DISC1: variants seen among roughly 807,000 people sequenced by gnomAD.
DISC1 encodes the protein DISC1 scaffold protein.
A neutral mutation model predicts 84.5 loss-of-function variants in DISC1; 57 were observed. The observed-to-expected ratio is 0.67, with a 90% CI of 0.55 to 0.84. The LOEUF (loss-of-function observed/expected upper bound fraction) is 0.84, where lower values mean the gene tolerates loss of function less well. Ranked by LOEUF, DISC1 falls within the 40% of genes least tolerant of loss-of-function variation. DISC1 has a pLI of 0.00. For synonymous variants in DISC1, 411 were observed against 415.2 expected (o/e 0.99, Z 0.12); for missense variants, 1,000 against 1,057.8 (o/e 0.95, Z 0.76).
rs554620517 is a variant in DISC1, at chr1:231,820,929, C to T, written c.1981+2412C>T. On this transcript the variant is annotated intron_variant, in intron 9 of 12. Coordinates refer to ENST00000439617, the MANE Select transcript of DISC1 (RefSeq NM_018662.3). Reference sequence around the variant, plus strand: ...ATTTGCAGTCTTAGGGAACAATTAGCAGTGTCTCTCGTACAGAGACCTTTT... The same window carrying T: ...ATTTGCAGTCTTAGGGAACAATTAGTAGTGTCTCTCGTACAGAGACCTTTT... Among the ~76,000 whole-genome samples the T allele has an allele frequency of 2.0e-5, 3 of 152,306 alleles. No homozygotes were observed. In the South Asian group the frequency reaches 6.2e-4, roughly 32 times the overall value.
intron 3 of DISC1, among the ~76,000 whole-genome samples, chr1:231,749,593 GT>G (rs570286367): frequency 1.0e-3 from 154 of 152,136 alleles, no homozygotes; most frequent in Middle Eastern, 3.4e-3. Context: ...CAAAATTATA[GT>G]TTTTTTCCCC....
intron 6 of DISC1, among the ~76,000 whole-genome samples, chr1:231,775,647 T>G (rs1396733290): frequency 6.6e-6 from 1 of 152,058 alleles, no homozygotes; most frequent in Non-Finnish European, 1.5e-5. Flanking sequence ...AATGAGGAGC[T>G]CCACAGTATG....
rs956447142 is a variant in DISC1, at chr1:231,998,039, T to G, written c.2043-10746T>G. On this transcript the variant is annotated intron_variant, in intron 10 of 12. Transcript: ENST00000439617. ...ATTCCCCAAAGATAAGGAAGGATGT[T>G]GGAAACATGACATAAAACATGAAGC... Among the ~76,000 whole-genome samples the G allele has an allele frequency of 3.7e-4, 56 of 152,322 alleles. 1 individual carries two copies. The highest frequency in any genetic ancestry group is 1.3e-3 in the African/African-American group (54 of 41,576).
At chr1:231,673,073 G>A (rs2062778451) in intron 1 of DISC1, among the ~76,000 whole-genome samples, 1 of 152,224 alleles carries the variant, frequency 6.6e-6, no homozygotes, top group African/African-American at 2.4e-5. Context: ...GCTTACCCCA[G>A]GGTCAGGTGC....
At chr1:231,646,247 T>C (rs2060122040) in intron 1 of DISC1, among the ~76,000 whole-genome samples, 1 of 151,840 alleles carries the variant, frequency 6.6e-6, no homozygotes, top group Non-Finnish European at 1.5e-5. Context: ...AGTGAGAACA[T>C]GCGGTGTTTG....
intron 3 of DISC1, among the ~76,000 whole-genome samples, chr1:231,728,693 T>C (rs1389778008): frequency 1.3e-5 from 2 of 152,202 alleles, no homozygotes; most frequent in Admixed American, 1.3e-4. Flanking sequence ...CTATTGCATT[T>C]TTGCTCTGGA....
chr1:231,681,396 C>T (rs184839314), intron 1 of DISC1, among the ~76,000 whole-genome samples: 11 of 150,122 alleles, frequency 7.3e-5, no homozygotes, highest in African/African-American at 2.3e-4. Context: ...GGCTCTCACT[C>T]GTGTGTGTTT....
chr1:231,650,795 G>T (rs1345178145), intron 1 of DISC1, among the ~76,000 whole-genome samples: 1 of 151,718 alleles, frequency 6.6e-6, no homozygotes. Context: ...TTCTCTTCTC[G>T]CCTTATTTCA....
At chr1:231,687,930 A>T (rs1009036620) in intron 1 of DISC1, among the ~76,000 whole-genome samples, 14 of 152,130 alleles carry the variant, frequency 9.2e-5, no homozygotes, top group African/African-American at 3.4e-4. Flanking sequence ...AAAAATGGTA[A>T]TTTTATGTTA....
chr1:231,945,772 A>G (rs1002920198), intron 9 of DISC1, among the ~76,000 whole-genome samples: 1 of 152,210 alleles, frequency 6.6e-6, no homozygotes, highest in African/African-American at 2.4e-5. Flanking sequence ...AAAAAATGAT[A>G]AAGGGGATAT....
In DISC1 at chr1:231,722,962, A is replaced by G. The variant is rs963711817; in HGVS notation, c.1117+20938A>G. On this transcript the variant is annotated intron_variant, in intron 3 of 12. Transcript: ENST00000439617. ...AAAGCAAATGGAAAAATATGCTATGATTAATGTCAGTTACGGGAATTAAAC... is the reference window on the plus strand; with the variant it reads ...AAAGCAAATGGAAAAATATGCTATGGTTAATGTCAGTTACGGGAATTAAAC... 6 of 1,194,220 alleles carry G rather than the reference A, an allele frequency of 5.0e-6. No homozygotes were observed. In the African/African-American group the frequency reaches 6.2e-5, roughly 12 times the overall value. The allele number at this position is 1,194,220 out of a possible 1,614,324, so 74.0% of individuals were successfully genotyped here. A position where few individuals can be genotyped will look rare whatever the true frequency, so the allele number is the denominator to read the frequency against.
In DISC1 at chr1:231,897,655, T is replaced by C. The variant is rs894139096; in HGVS notation, c.1982-61173T>C. On this transcript the variant is annotated intron_variant, in intron 9 of 12. Coordinates refer to ENST00000439617, the MANE Select transcript of DISC1 (RefSeq NM_018662.3). The surrounding 1 kb of genome is among the most constrained non-coding windows in gnomAD (Gnocchi z 4.5). The stretch of plus-strand genomic sequence containing the variant: ...GTGCTCTGACACAAAGTTTCCCATC[T>C]GATTTTGAGCTGGTCACCGTGTGCT... Among the ~76,000 whole-genome samples the C allele has an allele frequency of 1.3e-4, 20 of 152,340 alleles. No individual in the cohort carries two copies. Among genetic ancestry groups the C allele is most frequent in the African/African-American group, 4.8e-4 (20 of 41,576 alleles).
chr1:231,840,471 A>G (rs1197326574), intron 9 of DISC1, among the ~76,000 whole-genome samples: 1 of 152,200 alleles, frequency 6.6e-6, no homozygotes, highest in Non-Finnish European at 1.5e-5. Context: ...CGACTCAGTA[A>G]TAAGGAACAA....
chr1:231,964,020 G>T (rs895412103), intron 10 of DISC1, among the ~76,000 whole-genome samples: 1 of 152,154 alleles, frequency 6.6e-6, no homozygotes, highest in Non-Finnish European at 1.5e-5. Flanking sequence ...CAGGCCCAGG[G>T]TGTGGCACCG....
At chr1:231,721,843 A>G (rs907312117) in intron 3 of DISC1, among the ~76,000 whole-genome samples, 9 of 152,172 alleles carry the variant, frequency 5.9e-5, no homozygotes, top group African/African-American at 2.2e-4. Flanking sequence ...ATCAAGAAGT[A>G]AACAAAAATT....
At chr1:232,001,629 A>C (rs1417255648) in intron 10 of DISC1, among the ~76,000 whole-genome samples, 1 of 152,242 alleles carries the variant, frequency 6.6e-6, no homozygotes, top group African/African-American at 2.4e-5. Flanking sequence ...AAAGTAATTC[A>C]GTGAAGGAAC....
Position 231,675,334 on chromosome 1 carries a change from C to T in DISC1, c.68-18492C>T, listed in dbSNP as rs2063036311. On this transcript the variant is annotated intron_variant, in intron 1 of 12. Coordinates refer to ENST00000439617, the MANE Select transcript of DISC1 (RefSeq NM_018662.3). This position sits in a 1 kb window ranked among gnomAD's most constrained non-coding sequence, Gnocchi z 4.1. ...GTCTCTCTCCCTGCCTCTTCCCCAG[C>T]CCTACCCTATTGCACATTTTAGTGT... is the stretch of plus-strand genomic sequence containing the variant. Among the ~76,000 whole-genome samples, 1 of 152,010 alleles carries T rather than the reference C, an allele frequency of 6.6e-6. No individual in the cohort carries two copies. The highest frequency in any genetic ancestry group is 1.5e-5 in the Non-Finnish European group (1 of 68,020).
intron 10 of DISC1, among the ~76,000 whole-genome samples, chr1:231,988,430 A>G (rs915076560): frequency 1.1e-4 from 16 of 152,320 alleles, no homozygotes; most frequent in Admixed American, 7.2e-4. Flanking sequence ...TCAAATTCAT[A>G]TATTTGGACC....
rs149241490 is a variant in DISC1 at position 231,977,647 on chromosome 1, T to C, written c.2042+18759T>C. On this transcript the variant is annotated intron_variant, in intron 10 of 12. Coordinates refer to ENST00000439617, the MANE Select transcript of DISC1 (RefSeq NM_018662.3). ...TCTTTGGCATGTAAGATAAAATTCA[T>C]AGGTTCCCGGGATTAGAACATGGAC... is the stretch of plus-strand genomic sequence containing the variant. Among the ~76,000 whole-genome samples, 866 of 152,330 alleles carry C rather than the reference T, an allele frequency of 5.7e-3. 3 individuals are homozygous for C. Among genetic ancestry groups the C allele is most frequent in the Non-Finnish European group, 9.2e-3 (623 of 68,020 alleles).
Sources: allele counts gnomAD v4.1 joint callset (sites outside exome capture counted in the v4.1 genomes callset), GRCh38; gene constraint gnomAD v4.1.1; non-coding constraint Gnocchi (gnomAD v3.1); transcripts MANE v1.5; gene names NCBI Gene and HGNC (gene_info 2026-07-23, HGNC 2026-07-21).